SGCZ: variants seen among roughly 807,000 people sequenced by gnomAD.
SGCZ encodes sarcoglycan zeta.
SGCZ carries 40 observed loss-of-function variants against 41.3 expected under a neutral mutation model. That is an observed-to-expected ratio of 0.97 (90% CI 0.75 to 1.26). The LOEUF is 1.26. SGCZ is among the 50% of genes most tolerant of loss of function. The probability of loss-of-function intolerance (pLI) is 0.00; values close to 1 mark genes in which losing one functional copy is unlikely to be tolerated. For missense variants in SGCZ, 552 were observed against 369.8 expected, an observed-to-expected ratio of 1.49 and a Z score of -4.04; for synonymous variants, 206 against 137.5, an observed-to-expected ratio of 1.50 and a Z score of -3.49.
At chr8:14,274,678 A>T (rs2117271847) in intron 3 of SGCZ, among the ~76,000 whole-genome samples, 1 of 152,258 alleles carries the variant, frequency 6.6e-6, no homozygotes, top group South Asian at 2.1e-4. Context: ...TTATTTAGAC[A>T]ACCTCAAATG....
At chr8:14,999,173 C>T (rs953017956) in intron 1 of SGCZ, among the ~76,000 whole-genome samples, 26 of 152,090 alleles carry the variant, frequency 1.7e-4, no homozygotes, top group Admixed American at 7.2e-4. Context: ...ATATGAGAAA[C>T]GGTTCAAACC....
At chr8:14,907,015 T>A (rs759629681) in intron 1 of SGCZ, among the ~76,000 whole-genome samples, 19 of 152,154 alleles carry the variant, frequency 1.2e-4, no homozygotes, top group Non-Finnish European at 2.1e-4. Flanking sequence ...CATAAACAAC[T>A]CAAAATGTTA....
chr8:14,293,911 A>C (rs1455867155), intron 3 of SGCZ, among the ~76,000 whole-genome samples: 1 of 151,828 alleles, frequency 6.6e-6, no homozygotes, highest in Non-Finnish European at 1.5e-5. Context: ...TATTTTAATA[A>C]ATGTTTTCAT....
At chr8:15,058,754 T>C (rs533882345) in intron 1 of SGCZ, among the ~76,000 whole-genome samples, 42 of 152,318 alleles carry the variant, frequency 2.8e-4, no homozygotes, top group African/African-American at 9.6e-4. Flanking sequence ...TGTCTTCTTT[T>C]AAGAAAATCT....
intron 1 of SGCZ, among the ~76,000 whole-genome samples, chr8:15,143,245 G>C (rs553812048): frequency 2.1e-4 from 32 of 152,194 alleles, no homozygotes; most frequent in Middle Eastern, 3.2e-3. Flanking sequence ...TAGAATGAGT[G>C]TTCCACCATG....
chr8:14,228,909 G>C (rs1427707630), intron 4 of SGCZ, among the ~76,000 whole-genome samples: 1 of 152,082 alleles, frequency 6.6e-6, no homozygotes, highest in East Asian at 1.9e-4. Context: ...AGCTACCCTT[G>C]GTCTTGAGAA....
chr8:14,123,436 T>G (rs1802760171), intron 5 of SGCZ, among the ~76,000 whole-genome samples: 1 of 152,182 alleles, frequency 6.6e-6, no homozygotes, highest in South Asian at 2.1e-4. Context: ...TATAAATGAT[T>G]ACTATACTTA....
chr8:14,297,088 A>AT (rs1195487265), intron 3 of SGCZ, among the ~76,000 whole-genome samples: 3 of 151,876 alleles, frequency 2.0e-5, no homozygotes, highest in Admixed American at 6.6e-5. Context: ...TGCCCAGCTA[A>AT]TTTTTTGTAT....
At chr8:14,965,103 G>A (rs1801091122) in intron 1 of SGCZ, among the ~76,000 whole-genome samples, 1 of 152,102 alleles carries the variant, frequency 6.6e-6, no homozygotes, top group South Asian at 2.1e-4. Flanking sequence ...GGACATAACA[G>A]CCTATCAGGA....
intron 1 of SGCZ, among the ~76,000 whole-genome samples, chr8:15,011,914 G>A (rs1446855338): frequency 6.6e-6 from 1 of 152,072 alleles, no homozygotes; most frequent in African/African-American, 2.4e-5. Flanking sequence ...TAACTGTGGT[G>A]CTTATAAGTA....
At chr8:14,661,128 C>A (rs906656531) in intron 1 of SGCZ, among the ~76,000 whole-genome samples, 2 of 152,064 alleles carry the variant, frequency 1.3e-5, no homozygotes, top group Non-Finnish European at 2.9e-5. Context: ...ATGGAAACAT[C>A]ATACATAAGC....
intron 1 of SGCZ, among the ~76,000 whole-genome samples, chr8:14,678,269 A>T (rs1808337359): frequency 6.6e-6 from 1 of 152,212 alleles, no homozygotes; most frequent in Admixed American, 6.5e-5. Flanking sequence ...GCTACAGGCT[A>T]AGAGAAAATA....
chr8:15,174,100 A>G (rs1799931366), intron 1 of SGCZ, among the ~76,000 whole-genome samples: 1 of 152,126 alleles, frequency 6.6e-6, no homozygotes. Context: ...ATACCAACAG[A>G]TCTATTTTAA....
chr8:14,829,237 T>TGATAGGCCCCAGTGC (rs1802443378), intron 1 of SGCZ, among the ~76,000 whole-genome samples: 1 of 117,546 alleles, frequency 8.5e-6, no homozygotes, highest in African/African-American at 5.0e-5. Context: ...TGTTGCCGTC[T>TGATAGGCCCCAGTGC]ATATATCCAT....
intron 1 of SGCZ, among the ~76,000 whole-genome samples, chr8:15,178,772 G>A (rs1484872275): frequency 6.6e-6 from 1 of 150,698 alleles, no homozygotes; most frequent in Non-Finnish European, 1.5e-5. Context: ...TAATTACGAA[G>A]ACTGAGCAAA....
At chr8:14,711,482 G>C in intron 1 of SGCZ, among the ~76,000 whole-genome samples, 1 of 148,884 alleles carries the variant, frequency 6.7e-6, no homozygotes, top group Admixed American at 6.7e-5. Context: ...CATGCCTGTA[G>C]TCCCAGCTAC....
chr8:14,674,823 C>T (rs1203313265), intron 1 of SGCZ, among the ~76,000 whole-genome samples: 3 of 151,784 alleles, frequency 2.0e-5, no homozygotes, highest in East Asian at 1.9e-4. Flanking sequence ...ACTGCCTGCT[C>T]CCACTTTGCC....
At chr8:14,214,425 C>CT (rs1202900544) in intron 4 of SGCZ, among the ~76,000 whole-genome samples, 1 of 152,092 alleles carries the variant, frequency 6.6e-6, no homozygotes, top group East Asian at 1.9e-4. Flanking sequence ...ATACTATGAT[C>CT]TTAAGCTAAT....
At chr8:14,228,073 T>G (rs904162922) in intron 4 of SGCZ, among the ~76,000 whole-genome samples, 7 of 152,080 alleles carry the variant, frequency 4.6e-5, no homozygotes, top group Non-Finnish European at 8.8e-5. Flanking sequence ...AAATTTTATT[T>G]AGCTTCCTGC....
Sources: gnomAD v4.1 joint callset for allele counts (sites outside exome capture counted in the v4.1 genomes callset) on GRCh38, gnomAD v4.1.1 for gene constraint, MANE v1.5 for transcripts, NCBI Gene and HGNC (gene_info 2026-07-23, HGNC 2026-07-21) for gene names.